The following ADK variants were observed in gnomAD, a reference collection of about 807,000 sequenced individuals.
ADK encodes N6,N6-dimethyladenosine kinase.
In ADK, 24 loss-of-function variants were observed where a neutral mutation model predicts 44.7. That is an observed-to-expected ratio of 0.54 (90% confidence interval 0.39 to 0.76). The LOEUF is 0.76. Ranked by LOEUF, ADK falls within the 30% of genes least tolerant of loss-of-function variation. The pLI, the probability that ADK is intolerant of heterozygous loss-of-function variation, is 0.00. For synonymous variants in ADK, 128 were observed against 142.6 expected, an observed-to-expected ratio of 0.90 and a Z score of 0.73; for missense variants, 321 against 425.1, an observed-to-expected ratio of 0.76 and a Z score of 2.15.
At chr10:74,224,486 A>C in intron 2 of ADK, 52 bp from the exon 3 acceptor site, 2 of 1,453,542 alleles carry the variant, frequency 1.4e-6, no homozygotes. Context: ...CAGCTAACTT[A>C]CGTTGACACT....
Position 74,690,502 on chromosome 10 carries a change from A to C in ADK, c.965-17819A>C, listed in dbSNP as rs1415519464. ...TAGAATGAGACCCCGTCTCAAAAAA[A>C]GTCCATATCACATCATACAAGATCC... On this transcript the variant is annotated intron_variant, in intron 10 of 10. Transcript: ENST00000539909. Among the ~76,000 whole-genome samples the C allele has an allele frequency of 2.0e-5, 3 of 152,244 alleles. No homozygotes were observed. The East Asian group carries it at 5.8e-4, about 29-fold the overall frequency.
At chr10:74,661,227 A>G (rs931298167) in intron 9 of ADK, 2 of 699,686 alleles carry the variant, frequency 2.9e-6, no homozygotes, top group Non-Finnish European at 3.5e-6. Flanking sequence ...TTTAAATGTC[A>G]GTTAACTGCT....
intron 6 of ADK, among the ~76,000 whole-genome samples, chr10:74,464,642 A>G (rs1589136897): frequency 6.6e-6 from 1 of 152,268 alleles, no homozygotes; most frequent in Non-Finnish European, 1.5e-5. Context: ...TTCTGTCATA[A>G]CTTCCAATAT....
intron 8 of ADK, among the ~76,000 whole-genome samples, chr10:74,592,465 A>G (rs1851757356): frequency 6.6e-6 from 1 of 152,196 alleles, no homozygotes; most frequent in African/African-American, 2.4e-5. Context: ...CTAAATATAT[A>G]TATTCTCTAT....
intron 4 of ADK, among the ~76,000 whole-genome samples, chr10:74,384,363 C>T (rs924438084): frequency 3.3e-5 from 5 of 152,014 alleles, no homozygotes; most frequent in Admixed American, 1.3e-4. Context: ...CAGTTTGTTG[C>T]GGCAACATAA....
chr10:74,520,358 A>G (rs1848765123), intron 6 of ADK, among the ~76,000 whole-genome samples: 1 of 151,884 alleles, frequency 6.6e-6, no homozygotes, highest in Non-Finnish European at 1.5e-5. Flanking sequence ...CAGTTGATTA[A>G]TTATAGTCAT....
intron 6 of ADK, among the ~76,000 whole-genome samples, chr10:74,399,173 C>T (rs1466986231): frequency 6.6e-6 from 1 of 151,406 alleles, no homozygotes; most frequent in Admixed American, 6.6e-5. Flanking sequence ...ACTAAAAATT[C>T]TGAATTAATC....
At chr10:74,378,351 G>A (rs1052765408) in intron 4 of ADK, among the ~76,000 whole-genome samples, 1 of 151,690 alleles carries the variant, frequency 6.6e-6, no homozygotes, top group Non-Finnish European at 1.5e-5. Flanking sequence ...CATATTTTAG[G>A]CCTTTAATTT....
chr10:74,456,479 C>A (rs536897939), intron 6 of ADK, among the ~76,000 whole-genome samples: 1 of 151,976 alleles, frequency 6.6e-6, no homozygotes, highest in South Asian at 2.1e-4. Flanking sequence ...TCGAGACCAT[C>A]CTGGCTAACA....
intron 1 of ADK, among the ~76,000 whole-genome samples, chr10:74,182,980 A>G (rs541839092): frequency 6.6e-6 from 1 of 152,092 alleles, no homozygotes; most frequent in South Asian, 2.1e-4. Context: ...TGGTGGCATG[A>G]ACACAGTTCA....
intron 4 of ADK, among the ~76,000 whole-genome samples, chr10:74,380,309 A>G (rs1024886748): frequency 6.6e-6 from 1 of 152,214 alleles, no homozygotes; most frequent in Non-Finnish European, 1.5e-5. Context: ...GAACAAATGA[A>G]CAAACAAAAT....
At chr10:74,356,014 T>TTTTTTTTTTTTTTTTTG (rs1554847186) in intron 4 of ADK, among the ~76,000 whole-genome samples, 1 of 128,214 alleles carries the variant, frequency 7.8e-6, no homozygotes, top group African/African-American at 2.9e-5. Context: ...TTTTTTTTTT[T>TTTTTTTTTTTTTTTTTG]TTTTTTTTTT....
At chr10:74,503,156 C>T (rs1470930543) in intron 6 of ADK, among the ~76,000 whole-genome samples, 2 of 152,112 alleles carry the variant, frequency 1.3e-5, no homozygotes, top group African/African-American at 4.8e-5. Context: ...CAACAGATAC[C>T]ATGTGGCCTG....
chr10:74,363,741 C>A (rs552015982), intron 4 of ADK, among the ~76,000 whole-genome samples: 39 of 152,162 alleles, frequency 2.6e-4, no homozygotes, highest in Non-Finnish European at 4.9e-4. Flanking sequence ...CGGACAGATA[C>A]CCCTCTTCCA....
chr10:74,217,530 C>A (rs1398492416), intron 2 of ADK, among the ~76,000 whole-genome samples: 2 of 152,182 alleles, frequency 1.3e-5, no homozygotes, highest in Non-Finnish European at 2.9e-5. Flanking sequence ...GTTCTCCCAG[C>A]ACGCAGCTGG....
chr10:74,492,742 G>T (rs1350432873), intron 6 of ADK, among the ~76,000 whole-genome samples: 1 of 152,006 alleles, frequency 6.6e-6, no homozygotes. Context: ...TTAGATTTAG[G>T]TTATGCCTTT....
intron 4 of ADK, among the ~76,000 whole-genome samples, chr10:74,350,741 C>A (rs1468178458): frequency 6.6e-6 from 1 of 152,192 alleles, no homozygotes; most frequent in Non-Finnish European, 1.5e-5. Context: ...GATATCACCA[C>A]TATTCTCAGA....
chr10:74,539,696 G>GA (rs558026552), intron 7 of ADK, among the ~76,000 whole-genome samples: 25 of 148,344 alleles, frequency 1.7e-4, no homozygotes, highest in South Asian at 4.3e-4. Context: ...AACCCCTTCA[G>GA]AAAAAAAAAC....
chr10:74,403,865 TTTTTGTTTTG>T (rs745739749), intron 6 of ADK, among the ~76,000 whole-genome samples: 2 of 152,010 alleles, frequency 1.3e-5, no homozygotes, highest in African/African-American at 2.4e-5. Context: ...CCTATTCCTT[TTTTTGTTTTG>T]TTTTGTTTTG....
Sources: allele counts gnomAD v4.1 joint callset (sites outside exome capture counted in the v4.1 genomes callset), GRCh38; gene constraint gnomAD v4.1.1; transcripts MANE v1.5; gene names NCBI Gene and HGNC (gene_info 2026-07-23, HGNC 2026-07-21).